Variants in SLC22A8 observed in about 807,000 individuals in gnomAD.
SLC22A8 encodes organic anion transporter 3.
A neutral mutation model predicts 48.4 loss-of-function variants in SLC22A8; 40 were observed. The observed-to-expected ratio is 0.83, with a 90% CI of 0.64 to 1.08. The LOEUF (loss-of-function observed/expected upper bound fraction) is 1.08, where lower values mean the gene tolerates loss of function less well. Among genes scored for constraint, SLC22A8 ranks in the 50% least tolerant of loss-of-function variants. The probability of loss-of-function intolerance (pLI) is 0.00; values close to 1 mark genes in which losing one functional copy is unlikely to be tolerated. For missense variants in SLC22A8, 606 were observed against 699.0 expected (o/e 0.87, Z 1.50); for synonymous variants, 268 against 286.3 (o/e 0.94, Z 0.65).
At chr11:63,014,110 T>C (rs751328105) in intron 2 of SLC22A8, among the ~76,000 whole-genome samples, 1 of 152,142 alleles carries the variant, frequency 6.6e-6, no homozygotes, top group Non-Finnish European at 1.5e-5. Flanking sequence ...AAGACGGACT[T>C]TTCCTCCTTT....
intron 5 of SLC22A8, among the ~76,000 whole-genome samples, chr11:62,998,252 A>G (rs753303835): frequency 2.6e-5 from 4 of 151,962 alleles, no homozygotes; most frequent in Non-Finnish European, 4.4e-5. Flanking sequence ...GTGCCCGGCC[A>G]GCTCTGACTA....
chr11:63,002,108 C>G (rs1334347893), intron 2 of SLC22A8, among the ~76,000 whole-genome samples: 1 of 152,040 alleles, frequency 6.6e-6, no homozygotes, highest in African/African-American at 2.4e-5. Flanking sequence ...CAGGAGCTCA[C>G]TATGTTGCCC....
rs2086387534 is a variant in SLC22A8 at position 62,994,615 on chromosome 11, G to A, written c.1143C>T (p.Gly381=). The part of the protein sequence containing the change: ...FITILSLSYL[G]RHTTQAAALL... The stretch of plus-strand genomic sequence containing the variant: ...GGGCAGCGGCCTGAGTGGTATGCCG[G>A]CCCAGGTAGCTTAAGGAGAGGATGG... Residue 381 remains glycine, a synonymous_variant, in exon 8 of 11, where the codon GGC becomes GGT. Transcript: ENST00000336232. 3 of 1,614,136 alleles carry A rather than the reference G, an allele frequency of 1.9e-6. No homozygotes were observed. Among genetic ancestry groups the A allele is most frequent in the Non-Finnish European group, 2.5e-6 (3 of 1,179,998 alleles).
At chr11:63,006,735 G>A (rs2086561212) in intron 2 of SLC22A8, among the ~76,000 whole-genome samples, 1 of 149,866 alleles carries the variant, frequency 6.7e-6, no homozygotes, top group Non-Finnish European at 1.5e-5. Flanking sequence ...AGCCTCCTGA[G>A]TAGCTGGGAT....
intron 2 of SLC22A8, among the ~76,000 whole-genome samples, chr11:63,010,405 G>A (rs1395339847): frequency 2.6e-5 from 4 of 152,102 alleles, no homozygotes; most frequent in South Asian, 2.1e-4. Context: ...TGGAGCCAAC[G>A]CATCGGTTTC....
chr11:62,996,079 C>T lies in SLC22A8; in HGVS notation c.835G>A (p.Val279Met), dbSNP rs1401135032. 6.2e-7 allele frequency: 1 copy of T among 1,614,078 alleles called. No homozygotes were observed. Among genetic ancestry groups the T allele is most frequent in the Non-Finnish European group, 8.5e-7 (1 of 1,179,988 alleles). Residue 279 changes from valine (V) to methionine (M), a missense_variant, in exon 6 of 11, where the codon GTG (valine) becomes ATG (methionine). Physicochemically the swap from Val to Met is conservative, Grantham distance 21 (BLOSUM62 1). Transcript: ENST00000336232. Reference protein sequence around the residue: ...SSKALKILRRVAVFNGKKEEG... With the variant: ...SSKALKILRRMAVFNGKKEEG... ...TCCTTCTTGCCATTGAAGACAGCCA[C>T]CCGCCGGAGTATCTTCAGGGCCTTC...
intron 2 of SLC22A8, among the ~76,000 whole-genome samples, chr11:63,003,739 T>G (rs931277847): frequency 6.6e-6 from 1 of 152,182 alleles, no homozygotes; most frequent in Admixed American, 6.5e-5. Context: ...CCACCTCATT[T>G]GCTTAAGAGG....
At chr11:62,995,961 A>C (rs571825753) in intron 6 of SLC22A8, 68 bp downstream of exon 6, 2 of 1,608,762 alleles carry the variant, frequency 1.2e-6, no homozygotes, top group African/African-American at 2.7e-5. Context: ...AACAGAGGCA[A>C]GGGGAGGGGC....
intron 9 of SLC22A8, 55 bp from the exon 10 acceptor site, chr11:62,993,682 G>A: frequency 6.3e-7 from 1 of 1,597,002 alleles, no homozygotes; most frequent in Non-Finnish European, 8.6e-7. Context: ...CATAAAGGAT[G>A]GCTCCCCTGG....
At chr11:63,005,837 G>A (rs2086547955) in intron 2 of SLC22A8, among the ~76,000 whole-genome samples, 1 of 152,222 alleles carries the variant, frequency 6.6e-6, no homozygotes, top group East Asian at 1.9e-4. Flanking sequence ...AGATCTGTGA[G>A]ACAATAAAAT....
At chr11:63,015,446 A>G (rs909395596) in intron 1 of SLC22A8, among the ~76,000 whole-genome samples, 1 of 152,178 alleles carries the variant, frequency 6.6e-6, no homozygotes, top group Non-Finnish European at 1.5e-5. Flanking sequence ...GCTACAAAGG[A>G]CAGATTAGAG....
intron 5 of SLC22A8, 73 bp from the exon 6 acceptor site, chr11:62,996,225 A>G (rs2086418975): frequency 1.4e-6 from 2 of 1,464,618 alleles, no homozygotes; most frequent in Admixed American, 4.3e-5. Context: ...AAGAACATCA[A>G]CAGCCAGGGC....
intron 7 of SLC22A8, chr11:62,994,971 A>G (rs1190830616): frequency 3.3e-6 from 2 of 600,188 alleles, no homozygotes; most frequent in East Asian, 2.9e-5. Flanking sequence ...TGACGTGGGC[A>G]TGGTCCAGGG....
chr11:62,993,715 A>G lies in SLC22A8; in HGVS notation c.1325+55T>C. On this transcript the variant is annotated intron_variant, in intron 9 of 10. Coordinates refer to ENST00000336232, the MANE Select transcript of SLC22A8 (RefSeq NM_004254.4). ...TGGGTAGAGGACAGGACAATGCCAC[A>G]GTCCCACCTGACCTGTGTCCTCTGG... The G allele has an allele frequency of 1.9e-6, 3 of 1,585,254 alleles. No individual in the cohort carries two copies. In the South Asian group the frequency reaches 3.3e-5, roughly 18 times the overall value.
intron 2 of SLC22A8, among the ~76,000 whole-genome samples, chr11:63,012,145 A>G (rs188590446): frequency 1.5e-4 from 23 of 152,058 alleles, no homozygotes; most frequent in Admixed American, 1.4e-3. Flanking sequence ...GTGCACCACC[A>G]CACCTTGCTA....
At chr11:62,996,344 T>C (rs1379348145) in intron 5 of SLC22A8, among the ~76,000 whole-genome samples, 192 bp from the exon 6 acceptor site, 1 of 152,248 alleles carries the variant, frequency 6.6e-6, no homozygotes, top group Admixed American at 6.5e-5. Context: ...CAAATTCCAG[T>C]GTTCTCTTCT....
chr11:62,994,542 C>T lies in SLC22A8; in HGVS notation c.1216G>A (p.Asp406Asn). 5 of 1,600,278 alleles carry T rather than the reference C, an allele frequency of 3.1e-6. No individual in the cohort carries two copies. Among genetic ancestry groups the T allele is most frequent in the Non-Finnish European group, 4.3e-6 (5 of 1,172,410 alleles). ...TTCTGGGGTAGCCCCAGTCTCTCACCCAAGGGCACAAAGGTGAGAGCCAAG... is the reference window on the plus strand; with the variant it reads ...TTCTGGGGTAGCCCCAGTCTCTCACTCAAGGGCACAAAGGTGAGAGCCAAG... ...AILALTFVPLDLQTVRTVLAV... is the reference protein window; with the variant it reads ...AILALTFVPLNLQTVRTVLAV... The change falls in exon 8 of 11, where the codon GAC becomes AAC. Residue 406 changes from aspartate (D) to asparagine (N), a missense_variant and splice_region_variant. By Grantham distance (23) the Asp-to-Asn change is conservative (BLOSUM62 1). Coordinates refer to ENST00000336232, the MANE Select transcript of SLC22A8 (RefSeq NM_004254.4).
Position 63,014,736 on chromosome 11 carries a change from G to A in SLC22A8, c.223C>T (p.Arg75Cys), listed in dbSNP as rs766443125. ...GPNGKPERCL[R>C]FVHPPNASLP... ...CTGGCATTGGGCGGATGTACAAAACGGAGGCACCTCTCAGGCTTCCCATTT... is the reference window on the plus strand; with the variant it reads ...CTGGCATTGGGCGGATGTACAAAACAGAGGCACCTCTCAGGCTTCCCATTT... The change falls in exon 2 of 11, where the codon CGT becomes TGT. Residue 75 changes from arginine (R) to cysteine (C), a missense_variant. Arg to Cys is a radical substitution (Grantham distance 180, BLOSUM62 -3). Transcript: ENST00000336232. The A allele has an allele frequency of 7.4e-6, 12 of 1,614,146 alleles. No individual in the cohort carries two copies. The highest frequency in any genetic ancestry group is 2.2e-5 in the South Asian group (2 of 91,074).
rs58058368 is a variant in SLC22A8 at position 63,006,595 on chromosome 11, GTTTTTTTTTTTTTTT to G, written c.334-5787_334-5773del. Among the ~76,000 whole-genome samples, 23 of 51,428 alleles carry G rather than the reference GTTTTTTTTTTTTTTT, an allele frequency of 4.5e-4. 1 individual carries two copies. Among genetic ancestry groups the G allele is most frequent in the East Asian group, 2.1e-3 (3 of 1,430 alleles). 33.7% of individuals were successfully genotyped at this position (51,428 alleles called of 152,430 possible). On this transcript the variant is annotated intron_variant, in intron 2 of 10. Transcript: ENST00000336232. Reference sequence around the variant, plus strand: ...TGAGGACTGAGAATGTCTCATTTGAGTTTTTTTTTTTTTTTTTTTTTTTTTTTTTTGAGACAGAGT... The same window carrying G: ...TGAGGACTGAGAATGTCTCATTTGAGTTTTTTTTTTTTTTTGAGACAGAGT...
Sources: allele counts gnomAD v4.1 joint callset (sites outside exome capture counted in the v4.1 genomes callset), GRCh38; gene constraint gnomAD v4.1.1; transcripts MANE v1.5; gene names NCBI Gene and HGNC (gene_info 2026-07-23, HGNC 2026-07-21).